The following DFFB variants were observed in gnomAD, a reference collection of about 807,000 sequenced individuals.
DFFB encodes the protein DNA fragmentation factor 40 kDa subunit.
DFFB carries 29 observed loss-of-function variants against 32.7 expected under a neutral mutation model. That is an observed-to-expected ratio of 0.89 (90% CI 0.66 to 1.21). The LOEUF is 1.21. Ranked by LOEUF, DFFB falls within the 50% of genes most tolerant of loss-of-function variation. The pLI, the probability that DFFB is intolerant of heterozygous loss-of-function variation, is 0.00. For missense variants in DFFB, 398 were observed against 440.6 expected (o/e 0.90, Z 0.87); for synonymous variants, 170 against 177.1 (o/e 0.96, Z 0.32).
At chr1:3,881,635 G>GGGAGGCCAAGGTCA (rs955354633) in intron 6 of DFFB, among the ~76,000 whole-genome samples, 24 of 135,026 alleles carry the variant, frequency 1.8e-4, no homozygotes, top group African/African-American at 8.9e-4. Context: ...TCAGCACTGT[G>GGGAGGCCAAGGTCA]GGAGGCCAAG....
chr1:3,872,341 A>G (rs1207479791), intron 5 of DFFB, 131 bp from the exon 6 acceptor site: 15 of 634,022 alleles, frequency 2.4e-5, no homozygotes, highest in Non-Finnish European at 3.9e-5. Context: ...TCAACACGGG[A>G]GGCGGAGGTT....
At chr1:3,868,669 A>G (rs1645042157) in intron 4 of DFFB, among the ~76,000 whole-genome samples, 20 of 76,586 alleles carry the variant, frequency 2.6e-4, no homozygotes, top group African/African-American at 5.2e-4. Flanking sequence ...GCCACACCAC[A>G]CCACACCACG....
intron 6 of DFFB, among the ~76,000 whole-genome samples, chr1:3,881,311 G>A (rs371934230): frequency 1.3e-5 from 2 of 152,348 alleles, no homozygotes; most frequent in African/African-American, 4.8e-5. Context: ...ATTTTGTGGT[G>A]GCTGCTTCTG....
At chr1:3,858,000 AG>A (rs1644789896) in intron 1 of DFFB, among the ~76,000 whole-genome samples, 1 of 152,164 alleles carries the variant, frequency 6.6e-6, no homozygotes, top group Admixed American at 6.5e-5. Context: ...GTAGAGTGCC[AG>A]GTACTGGCAC....
chr1:3,858,547 T>C (rs1051009461), intron 1 of DFFB, among the ~76,000 whole-genome samples, 171 bp from the exon 2 acceptor site: 6 of 152,238 alleles, frequency 3.9e-5, no homozygotes, highest in Non-Finnish European at 4.4e-5. Flanking sequence ...CAGGCGCCCT[T>C]GCTCCCGCTC....
Position 3,883,663 on chromosome 1 carries a change from G to A in DFFB, c.939G>A (p.Lys313=). ...HIVCHKKTTH[K]LNCDPSRIYK... ...TCTGCCATAAGAAAACCACCCACAAGCTCAACTGTGACCCAAGCAGAATCT... is the reference window on the plus strand; with the variant it reads ...TCTGCCATAAGAAAACCACCCACAAACTCAACTGTGACCCAAGCAGAATCT... Residue 313 remains lysine (K), a synonymous_variant, in exon 7 of 7, where the codon AAG becomes AAA. Coordinates refer to ENST00000378209, the MANE Select transcript of DFFB (RefSeq NM_004402.4). The A allele has an allele frequency of 6.2e-7, 1 of 1,614,110 alleles. No homozygotes were observed.
chr1:3,872,629 CGTG>C lies in DFFB; in HGVS notation c.782+59_782+61del, dbSNP rs1251629206. On this transcript the variant is annotated intron_variant, in intron 6 of 6. Transcript: ENST00000378209. Reference sequence around the variant, plus strand: ...AGTGCCTGCAGGGCCCTGTCCCTGCCGTGGCCCTGTCCCTGCCATGGCCCTGTC... The same window carrying C: ...AGTGCCTGCAGGGCCCTGTCCCTGCCGCCCTGTCCCTGCCATGGCCCTGTC... 229 of 1,483,472 alleles carry C rather than the reference CGTG, an allele frequency of 1.5e-4. 5 individuals carry two copies. Among genetic ancestry groups the C allele is most frequent in the African/African-American group, 5.3e-4 (38 of 72,150 alleles). 91.9% of individuals were successfully genotyped at this position (1,483,472 alleles called of 1,614,324 possible). A position where few individuals can be genotyped will look rare whatever the true frequency, so the allele number is the denominator to read the frequency against.
At chr1:3,868,648 C>A (rs1645036996) in intron 4 of DFFB, among the ~76,000 whole-genome samples, 7 of 150,660 alleles carry the variant, frequency 4.6e-5, no homozygotes. Flanking sequence ...CACCAAGCCA[C>A]ACCACACCAG....
At chr1:3,861,025 G>A (rs1644869256) in intron 2 of DFFB, among the ~76,000 whole-genome samples, 1 of 152,022 alleles carries the variant, frequency 6.6e-6, no homozygotes. Flanking sequence ...CATGGTGGCG[G>A]GCGCTTGTAA....
chr1:3,878,674 G>A (rs906662034), intron 6 of DFFB, among the ~76,000 whole-genome samples: 5 of 152,160 alleles, frequency 3.3e-5, no homozygotes, highest in African/African-American at 9.7e-5. Context: ...ACTGGAAGAC[G>A]GCACTGCTGC....
In DFFB at chr1:3,871,586, G is replaced by A. The variant is rs10909814; in HGVS notation, c.682-886G>A. 7.7e-3 allele frequency among the ~76,000 whole-genome samples: 1,179 copies of A among 152,314 alleles called. 19 individuals carry two copies. Among genetic ancestry groups the A allele is most frequent in the African/African-American group, 0.027 (1,126 of 41,564 alleles). On this transcript the variant is annotated intron_variant, in intron 5 of 6. Transcript: ENST00000378209. ...CCAGGCATGAGTCACCACCGTGCCC[G>A]GCCAAGGCAGAACTCTGAATCTCCC... is the stretch of plus-strand genomic sequence containing the variant.
chr1:3,883,196 G>A (rs974181766), intron 6 of DFFB, among the ~76,000 whole-genome samples: 4 of 152,070 alleles, frequency 2.6e-5, no homozygotes, highest in Admixed American at 6.6e-5. Flanking sequence ...GTAGAGATGG[G>A]GTTTCACTAT....
chr1:3,865,775 C>T lies in DFFB; in HGVS notation c.242-37C>T. On this transcript the variant is annotated intron_variant, in intron 2 of 6. Transcript: ENST00000378209. The surrounding 1 kb of genome is among the most constrained non-coding windows in gnomAD (Gnocchi z 4.7). The stretch of plus-strand genomic sequence containing the variant: ...TGACCGGGGCAGGATGTGTCTTCTG[C>T]TGGACCGGCACCTTTTGTTTGTCCC... The T allele has an allele frequency of 6.2e-7, 1 of 1,614,082 alleles. No homozygotes were observed. The highest frequency in any genetic ancestry group is 8.5e-7 in the Non-Finnish European group (1 of 1,180,018).
chr1:3,883,609 C>A lies in DFFB; in HGVS notation c.885C>A (p.Thr295=). 1 of 1,614,074 alleles carries A rather than the reference C, an allele frequency of 6.2e-7. No homozygotes were observed. The highest frequency in any genetic ancestry group is 8.5e-7 in the Non-Finnish European group (1 of 1,180,026). Residue 295 remains threonine, a synonymous_variant, in exon 7 of 7, where the codon ACC becomes ACA. Transcript: ENST00000378209. ...DWEYFYGLLF[T]SENLKLVHIV... ...AGTATTTTTATGGCCTGCTTTTTAC[C>A]TCAGAGAACCTAAAACTAGTGCACA...
intron 1 of DFFB, among the ~76,000 whole-genome samples, chr1:3,858,324 C>A (rs1298030909): frequency 6.6e-6 from 1 of 152,172 alleles, no homozygotes; most frequent in South Asian, 2.1e-4. Flanking sequence ...GGCAACCAAC[C>A]GTTCTCCTTC....
intron 1 of DFFB, 147 bp downstream of exon 1, chr1:3,857,864 C>G: frequency 1.7e-6 from 1 of 573,644 alleles, no homozygotes; most frequent in Non-Finnish European, 2.9e-6. Flanking sequence ...GACCCCGGGC[C>G]CCCGCAGCCT....
chr1:3,868,776 C>T (rs1320466734), intron 4 of DFFB, among the ~76,000 whole-genome samples: 1 of 152,234 alleles, frequency 6.6e-6, no homozygotes, highest in Non-Finnish European at 1.5e-5. Flanking sequence ...TGTGGAGGCC[C>T]CTGCAATGGG....
At position 3,868,324 on chromosome 1, in the gene DFFB, C is replaced by T. The variant is rs981428186; in HGVS notation, c.510+271C>T. On this transcript the variant is annotated intron_variant, in intron 4 of 6. Transcript: ENST00000378209. Reference sequence around the variant, plus strand: ...GTGGTGGCTCCTGCCTGCCTCCCCTCCTCTCCTCCTCTCCCCCCGAGGCTT... The same window carrying T: ...GTGGTGGCTCCTGCCTGCCTCCCCTTCTCTCCTCCTCTCCCCCCGAGGCTT... Among the ~76,000 whole-genome samples, 8 of 152,022 alleles carry T rather than the reference C, an allele frequency of 5.3e-5. 1 individual carries two copies. The highest frequency in any genetic ancestry group is 1.7e-4 in the African/African-American group (7 of 41,374).
At chr1:3,868,539 A>C (rs1284095498) in intron 4 of DFFB, among the ~76,000 whole-genome samples, 2 of 96,084 alleles carry the variant, frequency 2.1e-5, no homozygotes, top group Admixed American at 8.9e-5. Flanking sequence ...CCTCATTTCC[A>C]TCCACCCCAT....
Sources: gnomAD v4.1 joint callset for allele counts (sites outside exome capture counted in the v4.1 genomes callset) on GRCh38, gnomAD v4.1.1 for gene constraint, Gnocchi (gnomAD v3.1) non-coding constraint, MANE v1.5 for transcripts, NCBI Gene and HGNC (gene_info 2026-07-23, HGNC 2026-07-21) for gene names.